The following ARFGEF1 variants were observed in gnomAD, a reference collection of about 807,000 sequenced individuals.
The protein encoded by ARFGEF1 is brefeldin A-inhibited guanine nucleotide-exchange protein 1.
ARFGEF1 carries 42 observed loss-of-function variants against 231.0 expected under a neutral mutation model. That is an observed-to-expected ratio of 0.18 (90% CI 0.14 to 0.24). The LOEUF is 0.24. Ranked by LOEUF, ARFGEF1 falls within the 10% of genes least tolerant of loss-of-function variation. ARFGEF1 has a pLI of 1.00. For synonymous variants in ARFGEF1, 710 were observed against 732.3 expected (o/e 0.97, Z 0.49); for missense variants, 1,345 against 2,192.0 (o/e 0.61, Z 7.72).
chr8:67,241,370 T>C (rs1264893060), intron 19 of ARFGEF1, among the ~76,000 whole-genome samples: 1 of 152,146 alleles, frequency 6.6e-6, no homozygotes, highest in Admixed American at 6.5e-5. Flanking sequence ...CAAAGTACCA[T>C]ATGACAGCAA....
chr8:67,297,557 C>A (rs1037499535), intron 4 of ARFGEF1, among the ~76,000 whole-genome samples: 1 of 152,052 alleles, frequency 6.6e-6, no homozygotes, highest in Non-Finnish European at 1.5e-5. Context: ...TTAGCCTGGG[C>A]AACAGAGTGA....
At chr8:67,327,301 C>T (rs992783359) in intron 1 of ARFGEF1, among the ~76,000 whole-genome samples, 1 of 150,784 alleles carries the variant, frequency 6.6e-6, no homozygotes, top group Non-Finnish European at 1.5e-5. Flanking sequence ...AGCATACAGA[C>T]TCCTCGATGA....
At chr8:67,337,422 TC>T (rs1284781375) in intron 1 of ARFGEF1, among the ~76,000 whole-genome samples, 1 of 152,038 alleles carries the variant, frequency 6.6e-6, no homozygotes, top group Admixed American at 6.6e-5. Flanking sequence ...TCCTGTGGAT[TC>T]CAAAATATAT....
intron 7 of ARFGEF1, among the ~76,000 whole-genome samples, chr8:67,283,582 G>A (rs7823436): frequency 0.33 from 49,561 of 151,956 alleles, 8,360 homozygotes; most frequent in East Asian, 0.39. Flanking sequence ...TTGGGCGAAT[G>A]ATAAACTGAG....
intron 1 of ARFGEF1, among the ~76,000 whole-genome samples, chr8:67,330,375 T>A (rs557421990): frequency 6.6e-6 from 1 of 152,198 alleles, no homozygotes; most frequent in Non-Finnish European, 1.5e-5. Context: ...TCCTTCTACT[T>A]TACCACTCAA....
At chr8:67,316,244 A>T (rs892183426) in intron 1 of ARFGEF1, among the ~76,000 whole-genome samples, 11 of 152,222 alleles carry the variant, frequency 7.2e-5, no homozygotes, top group Non-Finnish European at 1.0e-4. Context: ...TCATTTGAAT[A>T]GTCCTATAAC....
At chr8:67,250,716 C>A (rs1790891755) in intron 19 of ARFGEF1, among the ~76,000 whole-genome samples, 1 of 152,192 alleles carries the variant, frequency 6.6e-6, no homozygotes, top group Admixed American at 6.5e-5. Context: ...AGACACTACT[C>A]CACTTTGCTA....
chr8:67,309,709 T>G (rs1338601598), intron 1 of ARFGEF1, among the ~76,000 whole-genome samples: 14 of 152,242 alleles, frequency 9.2e-5, no homozygotes. Flanking sequence ...TTTTGCTCAT[T>G]AGCATCAGAG....
rs1262835630 is a variant in ARFGEF1 at position 67,343,462 on chromosome 8, G to A, written c.-175C>T. On this transcript the variant is annotated 5_prime_UTR_variant, in exon 1 of 39. Coordinates refer to ENST00000262215, the MANE Select transcript of ARFGEF1 (RefSeq NM_006421.5). ...GGGCGGGCGAGCGGGACCAGCCGCG[G>A]TGTCGGCGAAGGGCGTCGAGGTCCT... The A allele has an allele frequency of 2.2e-6, 3 of 1,347,850 alleles. No individual in the cohort carries two copies. Among genetic ancestry groups the A allele is most frequent in the Admixed American group, 3.0e-5 (1 of 32,886 alleles). The allele number at this position is 1,347,850 out of a possible 1,614,324, so 83.5% of individuals were successfully genotyped here. A position where few individuals can be genotyped will look rare whatever the true frequency, so the allele number is the denominator to read the frequency against.
chr8:67,215,668 G>T (rs562869190), intron 33 of ARFGEF1, among the ~76,000 whole-genome samples: 6 of 152,158 alleles, frequency 3.9e-5, no homozygotes, highest in Non-Finnish European at 5.9e-5. Context: ...GTCAACAGCC[G>T]CCAGAAGCTG....
chr8:67,254,721 C>T (rs1293479471), intron 17 of ARFGEF1, among the ~76,000 whole-genome samples: 1 of 152,130 alleles, frequency 6.6e-6, no homozygotes, highest in Non-Finnish European at 1.5e-5. Flanking sequence ...GATATATACA[C>T]TTATTTACTT....
chr8:67,246,490 A>C (rs1454461795), intron 19 of ARFGEF1, among the ~76,000 whole-genome samples: 1 of 150,544 alleles, frequency 6.6e-6, no homozygotes, highest in East Asian at 1.9e-4. Context: ...AAATTAAAGA[A>C]TATGCTCCTG....
At chr8:67,206,845 C>A (rs1053725168) in intron 34 of ARFGEF1, among the ~76,000 whole-genome samples, 5 of 152,300 alleles carry the variant, frequency 3.3e-5, no homozygotes, top group Middle Eastern at 3.4e-3. Flanking sequence ...CAATGCTGGG[C>A]GACTTACAAT....
At chr8:67,302,136 T>C (rs543463240) in intron 2 of ARFGEF1, among the ~76,000 whole-genome samples, 1 of 152,114 alleles carries the variant, frequency 6.6e-6, no homozygotes, top group South Asian at 2.1e-4. Flanking sequence ...GAAGCAGAAG[T>C]TGCAGTGAGC....
chr8:67,280,575 GATC>G (rs1256496773), intron 7 of ARFGEF1, among the ~76,000 whole-genome samples: 6 of 152,180 alleles, frequency 3.9e-5, no homozygotes, highest in African/African-American at 1.4e-4. Flanking sequence ...CAAGTGTGAA[GATC>G]TTCCTCAGTG....
intron 6 of ARFGEF1, among the ~76,000 whole-genome samples, chr8:67,288,311 AATT>A (rs1451867581): frequency 2.6e-5 from 4 of 152,254 alleles, no homozygotes; most frequent in Non-Finnish European, 5.9e-5. Context: ...CACTTAACTG[AATT>A]TTCTAGATTA....
intron 1 of ARFGEF1, among the ~76,000 whole-genome samples, chr8:67,311,712 C>A (rs912358144): frequency 6.6e-6 from 1 of 152,212 alleles, no homozygotes; most frequent in African/African-American, 2.4e-5. Context: ...CCCTTCTGCC[C>A]GGCCACCACC....
intron 1 of ARFGEF1, among the ~76,000 whole-genome samples, chr8:67,318,980 C>CA (rs999663868): frequency 1.3e-4 from 20 of 150,760 alleles, no homozygotes; most frequent in South Asian, 8.4e-4. Context: ...AGAACAAAAA[C>CA]AAAAAAAAAT....
intron 5 of ARFGEF1, chr8:67,190,703 T>C: frequency 6.2e-7 from 1 of 1,614,126 alleles, no homozygotes; most frequent in African/African-American, 1.3e-5. Context: ...CCCTCCACCA[T>C]CACAGTTGCC....
Sources: allele counts gnomAD v4.1 joint callset (sites outside exome capture counted in the v4.1 genomes callset), GRCh38; gene constraint gnomAD v4.1.1; transcripts MANE v1.5; gene names NCBI Gene and HGNC (gene_info 2026-07-23, HGNC 2026-07-21).